DYNC1H1: variants seen among roughly 807,000 people sequenced by gnomAD.
The protein encoded by DYNC1H1 is cytoplasmic dynein 1 heavy chain 1.
DYNC1H1 carries 51 observed loss-of-function variants against 527.1 expected under a neutral mutation model. The ratio of observed to expected loss-of-function variants is 0.10; its 90% CI spans 0.08 to 0.12. The LOEUF (loss-of-function observed/expected upper bound fraction) is 0.12, where lower values mean the gene tolerates loss of function less well. Ranked by LOEUF, DYNC1H1 falls within the 10% of genes least tolerant of loss-of-function variation. The pLI is 1.00. For missense variants in DYNC1H1, 2,771 were observed against 5,971.8 expected, an observed-to-expected ratio of 0.46 and a Z score of 17.66; for synonymous variants, 2,189 against 2,278.8, an observed-to-expected ratio of 0.96 and a Z score of 1.12.
At position 102,017,699 on chromosome 14, in the gene DYNC1H1, G is replaced by T. The variant is rs932314416; in HGVS notation, c.8177+195G>T. ...ATAAAAGCATTGGCCGGGCGCAGTG[G>T]CTTACGCCTATAATCCCAGCACTTT... On this transcript the variant is annotated intron_variant, in intron 40 of 77. Coordinates refer to ENST00000360184, the MANE Select transcript of DYNC1H1 (RefSeq NM_001376.5). This position sits in a 1 kb window ranked among gnomAD's most constrained non-coding sequence, Gnocchi z 4.6. 3 of 1,069,488 alleles carry T rather than the reference G, an allele frequency of 2.8e-6. No homozygotes were observed. Among genetic ancestry groups the T allele is most frequent in the Non-Finnish European group, 4.0e-6 (3 of 743,960 alleles). The allele number at this position is 1,069,488 out of a possible 1,614,324, so 66.2% of individuals were successfully genotyped here. A position where few individuals can be genotyped will look rare whatever the true frequency, so the allele number is the denominator to read the frequency against.
intron 51 of DYNC1H1, 125 bp from the exon 52 acceptor site, chr14:102,032,147 C>T: frequency 8.5e-7 from 1 of 1,173,594 alleles, no homozygotes; most frequent in Non-Finnish European, 1.3e-6. Context: ...CTTAGCTCTT[C>T]TAAGCAGCTA....
intron 50 of DYNC1H1, 72 bp downstream of exon 50, chr14:102,030,010 A>T: frequency 6.2e-7 from 1 of 1,612,506 alleles, no homozygotes; most frequent in Non-Finnish European, 8.5e-7. Flanking sequence ...TAGGAAATGT[A>T]GTTCCAAATG....
At position 101,981,954 on chromosome 14, in the gene DYNC1H1, G is replaced by A. The variant is rs761821859; in HGVS notation, c.962-1065G>A. On this transcript the variant is annotated intron_variant, in intron 5 of 77. Coordinates refer to ENST00000360184, the MANE Select transcript of DYNC1H1 (RefSeq NM_001376.5). ...CTAAACTTAATTGTTACTAATAAAC[G>A]TTAAAATAATATAGAACAGGGGTCC... Among the ~76,000 whole-genome samples, 198 of 152,080 alleles carry A rather than the reference G, an allele frequency of 1.3e-3. 2 individuals carry two copies. The highest frequency in any genetic ancestry group is 1.4e-3 in the Admixed American group (22 of 15,268).
chr14:102,023,217 G>C, intron 43 of DYNC1H1: 1 of 365,364 alleles, frequency 2.7e-6, no homozygotes, highest in Non-Finnish European at 5.3e-6. Flanking sequence ...ACTGCAGCCT[G>C]GGTAAAAGAG....
In DYNC1H1 at chr14:102,036,347, C is replaced by G; in HGVS notation, c.10755-142C>G. 9.6e-7 allele frequency: 1 copy of G among 1,041,284 alleles called. No homozygotes were observed. The highest frequency in any genetic ancestry group is 1.5e-6 in the Non-Finnish European group (1 of 681,824). 64.5% of individuals were successfully genotyped at this position (1,041,284 alleles called of 1,614,324 possible). A position where few individuals can be genotyped will look rare whatever the true frequency, so the allele number is the denominator to read the frequency against. On this transcript the variant is annotated intron_variant, in intron 56 of 77. Coordinates refer to ENST00000360184, the MANE Select transcript of DYNC1H1 (RefSeq NM_001376.5). This position sits in a 1 kb window ranked among gnomAD's most constrained non-coding sequence, Gnocchi z 5.6. ...TAAGCATGTAAGCTTTATTGGTAAA[C>G]CTGAAAACGTCTCCGGAAACCACTC...
rs999504875 is a variant in DYNC1H1, at chr14:101,985,031, C to T, written c.1462-656C>T. 5.9e-5 allele frequency among the ~76,000 whole-genome samples: 9 copies of T among 151,892 alleles called. No homozygotes were observed. Among genetic ancestry groups the T allele is most frequent in the African/African-American group, 1.7e-4 (7 of 41,448 alleles). On this transcript the variant is annotated intron_variant, in intron 7 of 77. Transcript: ENST00000360184. The surrounding 1 kb of genome is among the most constrained non-coding windows in gnomAD (Gnocchi z 5.9). ...CTGACCGCAAGTGATCCACCCGCCC[C>T]GGCCTCCCGAAGTGCTGGGATTACC...
chr14:102,044,051 T>C lies in DYNC1H1; in HGVS notation c.12684+6T>C. ...GGCTGGATGACACGGCCAAGGCAAG[T>C]GTGGGCCATGCCAGGACAGACAGTG... On this transcript the variant is annotated splice_donor_region_variant and intron_variant, in intron 70 of 77. Transcript: ENST00000360184. The surrounding 1 kb of genome is among the most constrained non-coding windows in gnomAD (Gnocchi z 7.1). 5 of 1,613,436 alleles carry C rather than the reference T, an allele frequency of 3.1e-6. No individual in the cohort carries two copies. Among genetic ancestry groups the C allele is most frequent in the Non-Finnish European group, 4.2e-6 (5 of 1,180,034 alleles).
rs144147463 is a variant in DYNC1H1 at position 102,005,096 on chromosome 14, G to T, written c.5293G>T (p.Ala1765Ser). The T allele has an allele frequency of 1.2e-6, 2 of 1,614,186 alleles. No individual in the cohort carries two copies. Among genetic ancestry groups the T allele is most frequent in the South Asian group, 2.2e-5 (2 of 91,080 alleles). ...QIAWSENVET[A>S]LSSMGGGGDA... Reference sequence around the variant, plus strand: ...AGCCTGGTCTGAGAACGTGGAGACCGCACTGAGCAGCATGGGCGGAGGTGG... The same window carrying T: ...AGCCTGGTCTGAGAACGTGGAGACCTCACTGAGCAGCATGGGCGGAGGTGG... The change falls in exon 26 of 78, where the codon GCA becomes TCA. Residue 1765 changes from alanine to serine, a missense_variant. Ala to Ser is a moderately conservative substitution (Grantham distance 99). Transcript: ENST00000360184. The surrounding 1 kb of genome is among the most constrained non-coding windows in gnomAD (Gnocchi z 4.0).
intron 9 of DYNC1H1, 41 bp downstream of exon 9, chr14:101,987,673 CT>C: frequency 6.2e-7 from 1 of 1,606,788 alleles, no homozygotes; most frequent in Admixed American, 1.7e-5. Context: ...CCTTTTTCTT[CT>C]GCTGACCCTC....
rs2048126318 is a variant in DYNC1H1, at chr14:102,001,161, T to C, written c.4202T>C (p.Ile1401Thr). Residue 1401 changes from isoleucine (I) to threonine (T), a missense_variant, in exon 20 of 78, where the codon ATT becomes ACT. By Grantham distance (89) the Ile-to-Thr change is moderately conservative. Coordinates refer to ENST00000360184, the MANE Select transcript of DYNC1H1 (RefSeq NM_001376.5). The surrounding 1 kb of genome is among the most constrained non-coding windows in gnomAD (Gnocchi z 5.0). ...TCTCCACAGATAAATATGCTGGTGA[T>C]TGAACTGAAATCCGAAGCACTTAAA... is the stretch of plus-strand genomic sequence containing the variant. The part of the protein sequence containing the change: ...KGYMKINMLV[I>T]ELKSEALKDR... 1 of 1,614,070 alleles carries C rather than the reference T, an allele frequency of 6.2e-7. No individual in the cohort carries two copies. Among genetic ancestry groups the C allele is most frequent in the South Asian group, 1.1e-5 (1 of 91,092 alleles).
In DYNC1H1 at chr14:102,008,211, G is replaced by A; in HGVS notation, c.5851G>A (p.Val1951Met). 6.2e-7 allele frequency: 1 copy of A among 1,614,214 alleles called. No individual in the cohort carries two copies. Among genetic ancestry groups the A allele is most frequent in the Non-Finnish European group, 8.5e-7 (1 of 1,180,036 alleles). Residue 1951 changes from valine to methionine, a missense_variant, in exon 29 of 78, where the codon GTG (valine) becomes ATG (methionine). By Grantham distance (21) the Val-to-Met change is conservative (BLOSUM62 1). Around this residue, in one of 32 missense-constraint regions of DYNC1H1, gnomAD observed 22 missense variants for 109.5 expected, o/e 0.20. Transcript: ENST00000360184. ...MGRIFVGLCQ[V>M]GAWGCFDEFN... Reference sequence around the variant, plus strand: ...CCGGATCTTTGTGGGCCTTTGCCAGGTGGGTGCCTGGGGCTGCTTTGACGA... The same window carrying A: ...CCGGATCTTTGTGGGCCTTTGCCAGATGGGTGCCTGGGGCTGCTTTGACGA...
Position 102,001,108 on chromosome 14 carries a change from G to A in DYNC1H1, c.4186-37G>A, listed in dbSNP as rs752654112. The A allele has an allele frequency of 2.5e-6, 4 of 1,613,996 alleles. No individual in the cohort carries two copies. Among genetic ancestry groups the A allele is most frequent in the East Asian group, 2.2e-5 (1 of 44,884 alleles). ...ACGGTGATGAGTGTCCATTAGAAAC[G>A]CACCTGCACAGATCACTTTGTTTAC... On this transcript the variant is annotated intron_variant, in intron 19 of 77. Transcript: ENST00000360184. The surrounding 1 kb of genome is among the most constrained non-coding windows in gnomAD (Gnocchi z 5.0).
chr14:102,036,405 C>T lies in DYNC1H1; in HGVS notation c.10755-84C>T, dbSNP rs1036882364. On this transcript the variant is annotated intron_variant, in intron 56 of 77. Coordinates refer to ENST00000360184, the MANE Select transcript of DYNC1H1 (RefSeq NM_001376.5). The surrounding 1 kb of genome is among the most constrained non-coding windows in gnomAD (Gnocchi z 5.6). ...GTGGTAACAGCCTATCAATCAGGGT[C>T]TCTCATCAGGGACTCGGCTAACCGT... 2 of 1,579,226 alleles carry T rather than the reference C, an allele frequency of 1.3e-6. No homozygotes were observed. The highest frequency in any genetic ancestry group is 2.7e-5 in the African/African-American group (2 of 74,136).
chr14:102,016,471 A>G lies in DYNC1H1; in HGVS notation c.7596A>G (p.Ile2532Met). ...TTVPLPTAPN[I>M]PIIDYEVSIS... ...TGCCTCTGCCCACTGCGCCCAACATACCCATTATCGATTATGAGGTGAGCA... is the reference window on the plus strand; with the variant it reads ...TGCCTCTGCCCACTGCGCCCAACATGCCCATTATCGATTATGAGGTGAGCA... The change falls in exon 37 of 78, where the codon ATA (isoleucine) becomes ATG (methionine). Residue 2532 changes from isoleucine (I) to methionine (M), a missense_variant. By Grantham distance (10) the Ile-to-Met change is conservative (BLOSUM62 1). Coordinates refer to ENST00000360184, the MANE Select transcript of DYNC1H1 (RefSeq NM_001376.5). The surrounding 1 kb of genome is among the most constrained non-coding windows in gnomAD (Gnocchi z 7.3). 1.2e-6 allele frequency: 2 copies of G among 1,613,894 alleles called. No homozygotes were observed. Among genetic ancestry groups the G allele is most frequent in the Non-Finnish European group, 1.7e-6 (2 of 1,179,974 alleles).
At chr14:102,032,602 A>G in intron 52 of DYNC1H1, 135 bp downstream of exon 52, 1 of 1,204,176 alleles carries the variant, frequency 8.3e-7, no homozygotes, top group Middle Eastern at 2.2e-4. Context: ...CTCCAATCCC[A>G]GAACTTTGGG....
At chr14:102,026,769 T>C in intron 44 of DYNC1H1, 62 bp downstream of exon 44, 1 of 1,590,818 alleles carries the variant, frequency 6.3e-7, no homozygotes, top group South Asian at 1.1e-5. Flanking sequence ...TAAGTGTGTG[T>C]GCCGGGTCAC....
chr14:102,030,971 T>G (rs897693284), intron 51 of DYNC1H1, among the ~76,000 whole-genome samples: 8 of 152,104 alleles, frequency 5.3e-5, no homozygotes, highest in Non-Finnish European at 1.2e-4. Flanking sequence ...AATAAATGAA[T>G]AAATGAAAAC....
chr14:102,041,902 T>G lies in DYNC1H1; in HGVS notation c.12103-111T>G, dbSNP rs1011760523. ...CCTGGCTGCATGGTGCCCACACCTC[T>G]GGGCCCAGAAAGAACATCTTCTCAG... On this transcript the variant is annotated intron_variant, in intron 65 of 77. Transcript: ENST00000360184. The surrounding 1 kb of genome is among the most constrained non-coding windows in gnomAD (Gnocchi z 4.5). The G allele has an allele frequency of 1.4e-5, 21 of 1,499,348 alleles. No homozygotes were observed. The African/African-American group carries it at 2.1e-4, about 15-fold the overall frequency. 92.9% of individuals were successfully genotyped at this position (1,499,348 alleles called of 1,614,324 possible).
At position 102,015,761 on chromosome 14, in the gene DYNC1H1, A is replaced by G. The variant is rs1049451822; in HGVS notation, c.7243-95A>G. 2.2e-6 allele frequency: 3 copies of G among 1,390,390 alleles called. No homozygotes were observed. The highest frequency in any genetic ancestry group is 3.0e-6 in the Non-Finnish European group (3 of 1,003,988). The allele number at this position is 1,390,390 out of a possible 1,614,324, so 86.1% of individuals were successfully genotyped here. A position where few individuals can be genotyped will look rare whatever the true frequency, so the allele number is the denominator to read the frequency against. On this transcript the variant is annotated intron_variant, in intron 35 of 77. Transcript: ENST00000360184. This position sits in a 1 kb window ranked among gnomAD's most constrained non-coding sequence, Gnocchi z 6.9. Reference sequence around the variant, plus strand: ...AAGCTTCATCCAAAATGAGTTTTCCAAGGTCGTATGACCTTCTCCTGGGAC... The same window carrying G: ...AAGCTTCATCCAAAATGAGTTTTCCGAGGTCGTATGACCTTCTCCTGGGAC...
Sources: allele counts gnomAD v4.1 joint callset (sites outside exome capture counted in the v4.1 genomes callset), GRCh38; gene constraint gnomAD v4.1.1; regional missense constraint gnomAD v4.1.1; non-coding constraint Gnocchi (gnomAD v3.1); transcripts MANE v1.5; gene names NCBI Gene and HGNC (gene_info 2026-07-23, HGNC 2026-07-21).